The following AFF4 variants were observed in gnomAD, a reference collection of about 807,000 sequenced individuals.
AFF4 encodes the protein AF4/FMR2 family member 4.
In AFF4, 13 loss-of-function variants were observed where a neutral mutation model predicts 124.8. The observed-to-expected ratio is 0.10, with a 90% CI of 0.07 to 0.17. The LOEUF is 0.17. Among genes scored for constraint, AFF4 ranks in the 10% least tolerant of loss-of-function variants. The pLI, the probability that AFF4 is intolerant of heterozygous loss-of-function variation, is 1.00. For missense variants in AFF4, 1,092 were observed against 1,403.8 expected (o/e 0.78, Z 3.55); for synonymous variants, 477 against 496.1 (o/e 0.96, Z 0.51).
chr5:132,934,135 T>C lies in AFF4; in HGVS notation c.918+12A>G, dbSNP rs781741947. 1.2e-6 allele frequency: 2 copies of C among 1,605,730 alleles called. No homozygotes were observed. The highest frequency in any genetic ancestry group is 1.7e-6 in the Non-Finnish European group (2 of 1,174,882). On this transcript the variant is annotated intron_variant, in intron 3 of 20. Coordinates refer to ENST00000265343, the MANE Select transcript of AFF4 (RefSeq NM_014423.4). ...TAGTCACAATGTTAAAAGCTCTAAA[T>C]GTGTGACTTACATCCAGTGGTTGGG...
chr5:132,933,188 A>T (rs1761340397), intron 3 of AFF4, among the ~76,000 whole-genome samples: 1 of 152,154 alleles, frequency 6.6e-6, no homozygotes, highest in African/African-American at 2.4e-5. Flanking sequence ...ACGTGAGGTC[A>T]GGAGTTCAAG....
chr5:132,892,287 A>G lies in AFF4; in HGVS notation c.2514T>C (p.Ser838=). Residue 838 remains serine, a synonymous_variant, in exon 13 of 21, where the codon TCT becomes TCC. Coordinates refer to ENST00000265343, the MANE Select transcript of AFF4 (RefSeq NM_014423.4). ...HGSRKRTISQ[S]SSLKSSSNSN... ...TGTTACTGCTTGACTTTAAGGAAGAAGACTGACTAATAGTCCTCTTCCGAG... is the reference window on the plus strand; with the variant it reads ...TGTTACTGCTTGACTTTAAGGAAGAGGACTGACTAATAGTCCTCTTCCGAG... 2 of 1,614,126 alleles carry G rather than the reference A, an allele frequency of 1.2e-6. No homozygotes were observed. Among genetic ancestry groups the G allele is most frequent in the Non-Finnish European group, 1.7e-6 (2 of 1,180,040 alleles).
intron 1 of AFF4, among the ~76,000 whole-genome samples, chr5:132,957,300 C>CA (rs1761986316): frequency 6.8e-6 from 1 of 147,900 alleles, no homozygotes; most frequent in Non-Finnish European, 1.5e-5. Flanking sequence ...GTGACTGCCC[C>CA]ATGCACTCCA....
chr5:132,917,705 C>CTTTTTT (rs58145774), intron 5 of AFF4, among the ~76,000 whole-genome samples: 12 of 74,050 alleles, frequency 1.6e-4, no homozygotes, highest in Admixed American at 7.1e-4. Context: ...CTTTTCTTTT[C>CTTTTTT]TTTTTTTTTT....
At chr5:132,910,224 T>C (rs1202107104) in intron 5 of AFF4, among the ~76,000 whole-genome samples, 1 of 152,162 alleles carries the variant, frequency 6.6e-6, no homozygotes. Flanking sequence ...AACAGAGGGA[T>C]TGAATTGTTT....
intron 6 of AFF4, chr5:132,904,101 TA>T (rs1249091924): frequency 2.9e-6 from 1 of 350,118 alleles, no homozygotes; most frequent in Admixed American, 4.3e-5. Context: ...ACTAAAAATT[TA>T]AAAAATCAGC....
intron 4 of AFF4, among the ~76,000 whole-genome samples, chr5:132,928,645 A>G (rs1448078077): frequency 6.6e-6 from 1 of 152,188 alleles, no homozygotes; most frequent in Non-Finnish European, 1.5e-5. Context: ...TACTGATTAA[A>G]TAAATTACCA....
chr5:132,891,973 A>G lies in AFF4; in HGVS notation c.2637+191T>C, dbSNP rs975306462. ...TTTTTCTTTCAATATGTATGTGACCAGCTGACTTACCACCTTCACAGTCTT... is the reference window on the plus strand; with the variant it reads ...TTTTTCTTTCAATATGTATGTGACCGGCTGACTTACCACCTTCACAGTCTT... On this transcript the variant is annotated intron_variant, in intron 13 of 20. Transcript: ENST00000265343. The G allele has an allele frequency of 7.0e-6, 6 of 852,626 alleles. No homozygotes were observed. The African/African-American group carries it at 1.0e-4, about 15-fold the overall frequency. 52.8% of individuals were successfully genotyped at this position (852,626 alleles called of 1,614,324 possible).
intron 5 of AFF4, among the ~76,000 whole-genome samples, chr5:132,917,752 G>A (rs1361862346): frequency 1.8e-5 from 2 of 108,766 alleles, no homozygotes; most frequent in Non-Finnish European, 3.4e-5. Context: ...TCACCTTGTC[G>A]CCCAGGCTGG....
At chr5:132,906,878 T>C (rs1002167083) in intron 5 of AFF4, among the ~76,000 whole-genome samples, 3 of 152,112 alleles carry the variant, frequency 2.0e-5, no homozygotes, top group Non-Finnish European at 4.4e-5. Context: ...GCAATGAGGA[T>C]AGCTTGAGGC....
intron 5 of AFF4, among the ~76,000 whole-genome samples, chr5:132,915,308 T>A (rs993914604): frequency 6.6e-6 from 1 of 151,418 alleles, no homozygotes; most frequent in African/African-American, 2.4e-5. Flanking sequence ...ACCACTGCAC[T>A]CCAGCCTGGG....
In AFF4 at chr5:132,936,747, G is replaced by C. The variant is rs190462833; in HGVS notation, c.123+320C>G. Among the ~76,000 whole-genome samples, 67 of 152,280 alleles carry C rather than the reference G, an allele frequency of 4.4e-4. No homozygotes were observed. In the East Asian group the frequency reaches 0.012, roughly 28 times the overall value. On this transcript the variant is annotated intron_variant, in intron 2 of 20. Coordinates refer to ENST00000265343, the MANE Select transcript of AFF4 (RefSeq NM_014423.4). Reference sequence around the variant, plus strand: ...TCAGACCACATTTTTAAGAACACAGGACAGCAATAGGAGGTGGGTTGGAAA... The same window carrying C: ...TCAGACCACATTTTTAAGAACACAGCACAGCAATAGGAGGTGGGTTGGAAA...
Position 132,879,865 on chromosome 5 carries a change from T to A in AFF4, c.*1194A>T. The A allele has an allele frequency of 4.1e-6, 1 of 246,210 alleles. No homozygotes were observed. The highest frequency in any genetic ancestry group is 7.8e-6 in the Non-Finnish European group (1 of 127,500). The allele number at this position is 246,210 out of a possible 1,614,324, so 15.3% of individuals were successfully genotyped here. On this transcript the variant is annotated 3_prime_UTR_variant, in exon 21 of 21. Coordinates refer to ENST00000265343, the MANE Select transcript of AFF4 (RefSeq NM_014423.4). ...AAATTTTCTGATTCCATCAGAAACA[T>A]ACATCATTGAAGAGGGCCTTCATAA...
intron 1 of AFF4, among the ~76,000 whole-genome samples, chr5:132,949,712 G>A (rs1402416494): frequency 6.7e-6 from 1 of 149,486 alleles, no homozygotes; most frequent in Non-Finnish European, 1.5e-5. Context: ...GCGCGCGCGC[G>A]CGCGCCAGGC....
intron 1 of AFF4, among the ~76,000 whole-genome samples, chr5:132,959,409 C>A (rs1424840204): frequency 6.6e-6 from 1 of 151,782 alleles, no homozygotes; most frequent in Admixed American, 6.6e-5. Context: ...CATGAGCCAC[C>A]GGGCCCGGCA....
At position 132,908,757 on chromosome 5, in the gene AFF4, CAT is replaced by C. The variant is rs1206698351; in HGVS notation, c.1051-4355_1051-4354del. ...ATATAATCTATACACTATATATATA[CAT>C]ATATATATATATATATATTTTTTTT... On this transcript the variant is annotated intron_variant, in intron 5 of 20. Coordinates refer to ENST00000265343, the MANE Select transcript of AFF4 (RefSeq NM_014423.4). Among the ~76,000 whole-genome samples the C allele has an allele frequency of 1.4e-3, 188 of 136,088 alleles. 1 individual carries two copies. The highest frequency in any genetic ancestry group is 2.1e-3 in the East Asian group (10 of 4,710). 89.3% of individuals were successfully genotyped at this position (136,088 alleles called of 152,430 possible). A position where few individuals can be genotyped will look rare whatever the true frequency, so the allele number is the denominator to read the frequency against.
In AFF4 at chr5:132,896,403, T is replaced by A; in HGVS notation, c.2227A>T (p.Asn743Tyr). Residue 743 changes from asparagine (N) to tyrosine (Y), a missense_variant, in exon 11 of 21, where the codon AAT (asparagine) becomes TAT (tyrosine). By Grantham distance (143) the Asn-to-Tyr change is moderately radical (BLOSUM62 -2). Around this residue, in one of 11 missense-constraint regions of AFF4, gnomAD observed 293 missense variants for 280.2 expected, o/e 1.05. Transcript: ENST00000265343. ...ETEPPKGEKKNVPEKHTREAQ... is the reference protein window; with the variant it reads ...ETEPPKGEKKYVPEKHTREAQ... ...TCTCTCGTGTGCTTTTCTGGCACAT[T>A]TTTCTTTTCCCCCTTGGGCGGCTCT... 1 of 1,613,912 alleles carries A rather than the reference T, an allele frequency of 6.2e-7. No homozygotes were observed. Among genetic ancestry groups the A allele is most frequent in the Non-Finnish European group, 8.5e-7 (1 of 1,179,982 alleles).
chr5:132,893,541 G>A (rs1332643529), intron 11 of AFF4, among the ~76,000 whole-genome samples: 2 of 151,962 alleles, frequency 1.3e-5, no homozygotes, highest in East Asian at 1.9e-4. Flanking sequence ...TTTTTCAGAC[G>A]GAGTCTTGTT....
intron 1 of AFF4, among the ~76,000 whole-genome samples, chr5:132,961,967 G>A (rs1762090551): frequency 6.6e-6 from 1 of 152,164 alleles, no homozygotes; most frequent in Non-Finnish European, 1.5e-5. Flanking sequence ...GCTGAAAGAT[G>A]CAGTGATAAT....
Sources: allele counts gnomAD v4.1 joint callset (sites outside exome capture counted in the v4.1 genomes callset), GRCh38; gene constraint gnomAD v4.1.1; regional missense constraint gnomAD v4.1.1; transcripts MANE v1.5; gene names NCBI Gene and HGNC (gene_info 2026-07-23, HGNC 2026-07-21).